CRMP1: variants seen among roughly 807,000 people sequenced by gnomAD.
The protein encoded by CRMP1 is collapsin response mediator protein 1, also known as dihydropyrimidinase-related protein 1.
Under a neutral mutation model 68.3 loss-of-function variants are expected in CRMP1, and 19 were observed. The observed-to-expected ratio is 0.28, with a 90% CI of 0.19 to 0.41. The LOEUF (loss-of-function observed/expected upper bound fraction) is 0.41. Among genes scored for constraint, CRMP1 ranks in the 10% least tolerant of loss-of-function variants. The pLI, the probability that CRMP1 is intolerant of heterozygous loss-of-function variation, is 1.00. For missense variants in CRMP1, 791 were observed against 967.4 expected, an observed-to-expected ratio of 0.82 and a Z score of 2.42; for synonymous variants, 439 against 399.6, an observed-to-expected ratio of 1.10 and a Z score of -1.18.
chr4:5,857,094 T>C (rs1246827032), intron 3 of CRMP1, among the ~76,000 whole-genome samples: 11 of 97,530 alleles, frequency 1.1e-4, no homozygotes, highest in African/African-American at 4.5e-4. Flanking sequence ...CCATTATCAC[T>C]AACATCACCA....
In CRMP1 at chr4:5,877,166, C is replaced by G. The variant is rs555907655; in HGVS notation, c.382-10410G>C. On this transcript the variant is annotated intron_variant, in intron 1 of 13. Transcript: ENST00000324989. This position sits in a 1 kb window ranked among gnomAD's most constrained non-coding sequence, Gnocchi z 4.3. ...ATTTGAGGAGCACACCTGACCCCAA[C>G]AGAAGACTGAAGACAAATTGAGTTG... Among the ~76,000 whole-genome samples the G allele has an allele frequency of 1.3e-5, 2 of 152,332 alleles. No individual in the cohort carries two copies. Among genetic ancestry groups the G allele is most frequent in the South Asian group, 4.1e-4 (2 of 4,826 alleles).
chr4:5,840,968 A>G (rs985531618), intron 8 of CRMP1, among the ~76,000 whole-genome samples: 1 of 129,978 alleles, frequency 7.7e-6, no homozygotes, highest in African/African-American at 3.3e-5. Context: ...AGTTGTGTAC[A>G]TGTAAGATAC....
rs1715211590 is a variant in CRMP1 at position 5,881,429 on chromosome 4, C to A, written c.381+11160G>T. Among the ~76,000 whole-genome samples, 1 of 152,148 alleles carries A rather than the reference C, an allele frequency of 6.6e-6. No homozygotes were observed. Among genetic ancestry groups the A allele is most frequent in the Non-Finnish European group, 1.5e-5 (1 of 68,034 alleles). On this transcript the variant is annotated intron_variant, in intron 1 of 13. Coordinates refer to ENST00000324989, the MANE Select transcript of CRMP1 (RefSeq NM_001014809.3). The surrounding 1 kb of genome is among the most constrained non-coding windows in gnomAD (Gnocchi z 4.6). ...GCAGCATTCTTGAAGGATTAAAGACCTAAAATTACACCAGGTAAGTCTGCA... is the reference window on the plus strand; with the variant it reads ...GCAGCATTCTTGAAGGATTAAAGACATAAAATTACACCAGGTAAGTCTGCA...
At chr4:5,849,281 G>T in intron 6 of CRMP1, 111 bp downstream of exon 6, 1 of 849,874 alleles carries the variant, frequency 1.2e-6, no homozygotes. Flanking sequence ...CCAGTTCCTG[G>T]CTTGACCTTT....
chr4:5,882,904 C>T (rs919446682), intron 1 of CRMP1, among the ~76,000 whole-genome samples: 7 of 152,190 alleles, frequency 4.6e-5, no homozygotes, highest in African/African-American at 1.7e-4. Flanking sequence ...ATCAAATAAC[C>T]CATTCATATC....
rs754642764 is a variant in CRMP1, at chr4:5,851,427, T to C, written c.863A>G (p.Tyr288Cys). The part of the protein sequence containing the change: ...FQVYMAYKDV[Y>C]QMSDSQLYEA... ...ACCTACCTGGCTGTCGGACATTTGG[T>C]AGACATCCTTATAGGCCATGTAGAC... The change falls in exon 5 of 14, where the codon TAC (tyrosine) becomes TGC (cysteine). Residue 288 changes from tyrosine to cysteine, a missense_variant. Physicochemically the swap from Tyr to Cys is radical, Grantham distance 194. This residue lies in a region of CRMP1 where 594 missense variants were observed against 763.6 expected (regional missense o/e 0.78). Coordinates refer to ENST00000324989, the MANE Select transcript of CRMP1 (RefSeq NM_001014809.3). The C allele has an allele frequency of 1.2e-6, 2 of 1,614,208 alleles. No homozygotes were observed. Among genetic ancestry groups the C allele is most frequent in the South Asian group, 2.2e-5 (2 of 91,084 alleles).
chr4:5,824,277 G>C, intron 13 of CRMP1: 1 of 984,960 alleles, frequency 1.0e-6, no homozygotes, highest in Non-Finnish European at 1.2e-6. Context: ...TGCTGATTGA[G>C]CATCACATGA....
rs139692512 is a variant in CRMP1, at chr4:5,850,389, G to T, written c.883-917C>A. 1.3e-5 allele frequency among the ~76,000 whole-genome samples: 2 copies of T among 152,282 alleles called. No homozygotes were observed. The highest frequency in any genetic ancestry group is 6.8e-3 in the Middle Eastern group (2 of 294). The stretch of plus-strand genomic sequence containing the variant: ...CACATGCTATGTTTTCTATGTAACT[G>T]AACCAATTTTCAGCTCTTTGAGTGT... On this transcript the variant is annotated intron_variant, in intron 5 of 13. Transcript: ENST00000324989. The surrounding 1 kb of genome is among the most constrained non-coding windows in gnomAD (Gnocchi z 4.4).
chr4:5,856,351 T>C (rs376514804), intron 3 of CRMP1, 44 bp from the exon 4 acceptor site: 3 of 1,588,188 alleles, frequency 1.9e-6, no homozygotes, highest in South Asian at 2.3e-5. Flanking sequence ...GACTCAAGTG[T>C]TCCAATGGTA....
chr4:5,828,716 A>C, intron 11 of CRMP1, 48 bp from the exon 12 acceptor site: 1 of 1,598,274 alleles, frequency 6.3e-7, no homozygotes, highest in Non-Finnish European at 8.6e-7. Flanking sequence ...CTCTGCCCCA[A>C]ACGAGCTGTT....
At position 5,877,292 on chromosome 4, in the gene CRMP1, A is replaced by G. The variant is rs1416848699; in HGVS notation, c.382-10536T>C. Among the ~76,000 whole-genome samples the G allele has an allele frequency of 1.3e-5, 2 of 152,250 alleles. No individual in the cohort carries two copies. Among genetic ancestry groups the G allele is most frequent in the East Asian group, 1.9e-4 (1 of 5,202 alleles). The stretch of plus-strand genomic sequence containing the variant: ...GAGGGGGTGTTTGTTAGGCAGCATC[A>G]TCGCATCAAAGCAAATTAATACATC... On this transcript the variant is annotated intron_variant, in intron 1 of 13. Coordinates refer to ENST00000324989, the MANE Select transcript of CRMP1 (RefSeq NM_001014809.3). The surrounding 1 kb of genome is among the most constrained non-coding windows in gnomAD (Gnocchi z 4.3).
rs1382782414 is a variant in CRMP1, at chr4:5,871,943, C to A, written c.382-5187G>T. Among the ~76,000 whole-genome samples, 3 of 152,166 alleles carry A rather than the reference C, an allele frequency of 2.0e-5. No homozygotes were observed. In the East Asian group the frequency reaches 5.8e-4, roughly 29 times the overall value. ...TCCGTGTGGAATGTTAGGTCTGATC[C>A]CACCTCGCAGGGAAATGAGGTCCAC... On this transcript the variant is annotated intron_variant, in intron 1 of 13. Transcript: ENST00000324989.
intron 4 of CRMP1, 101 bp from the exon 5 acceptor site, chr4:5,851,570 G>A: frequency 2.5e-6 from 3 of 1,181,250 alleles, no homozygotes; most frequent in Non-Finnish European, 3.8e-6. Flanking sequence ...TAGTCGCCAG[G>A]AGAGATGAGT....
intron 6 of CRMP1, among the ~76,000 whole-genome samples, chr4:5,848,789 CAT>C (rs974595035): frequency 2.0e-5 from 3 of 152,202 alleles, no homozygotes; most frequent in African/African-American, 4.8e-5. Flanking sequence ...GTGGGCATCA[CAT>C]GAGACAGCAG....
Position 5,893,074 on chromosome 4 carries a change from C to G in CRMP1, c.-105G>C, listed in dbSNP as rs911354178. 5.5e-5 allele frequency: 44 copies of G among 796,462 alleles called. No homozygotes were observed. The highest frequency in any genetic ancestry group is 6.3e-4 in the Middle Eastern group (1 of 1,590). The allele number at this position is 796,462 out of a possible 1,614,324, so 49.3% of individuals were successfully genotyped here. A position where few individuals can be genotyped will look rare whatever the true frequency, so the allele number is the denominator to read the frequency against. ...GCCTCGGTGCGGGCCTGCGGCGGCC[C>G]GGGCGCGACTGCGGCCCAGGGAGGG... On this transcript the variant is annotated 5_prime_UTR_variant, in exon 1 of 14. Coordinates refer to ENST00000324989, the MANE Select transcript of CRMP1 (RefSeq NM_001014809.3).
chr4:5,889,553 A>G lies in CRMP1; in HGVS notation c.381+3036T>C. On this transcript the variant is annotated intron_variant, in intron 1 of 13. Coordinates refer to ENST00000324989, the MANE Select transcript of CRMP1 (RefSeq NM_001014809.3). The surrounding 1 kb of genome is among the most constrained non-coding windows in gnomAD (Gnocchi z 4.5). ...AAAAGATGAAAGAAGATGGAGGAAA[A>G]GGGGGAGCCCCAGCAAGCCCCAACC... 1 of 1,533,278 alleles carries G rather than the reference A, an allele frequency of 6.5e-7. No individual in the cohort carries two copies. Among genetic ancestry groups the G allele is most frequent in the Non-Finnish European group, 8.7e-7 (1 of 1,144,382 alleles). 95.0% of individuals were successfully genotyped at this position (1,533,278 alleles called of 1,614,324 possible). A position where few individuals can be genotyped will look rare whatever the true frequency, so the allele number is the denominator to read the frequency against.
rs1714503574 is a variant in CRMP1, at chr4:5,872,202, G to C, written c.382-5446C>G. ...TTCTAAGGCTGCCTTTCTCATGCAG[G>C]AAATATGAGTGCACAGAACTGTATA... is the stretch of plus-strand genomic sequence containing the variant. On this transcript the variant is annotated intron_variant, in intron 1 of 13. Transcript: ENST00000324989. The surrounding 1 kb of genome is among the most constrained non-coding windows in gnomAD (Gnocchi z 4.6). Among the ~76,000 whole-genome samples the C allele has an allele frequency of 6.6e-6, 1 of 152,032 alleles. No individual in the cohort carries two copies. The highest frequency in any genetic ancestry group is 2.1e-4 in the South Asian group (1 of 4,824).
intron 6 of CRMP1, among the ~76,000 whole-genome samples, chr4:5,846,636 G>GCTGGAGTGTAGTGGCGTGATCTCATC (rs1712220088): frequency 1.3e-5 from 2 of 151,798 alleles, no homozygotes; most frequent in African/African-American, 4.8e-5. Context: ...TGTCACCCAG[G>GCTGGAGTGTAGTGGCGTGATCTCATC]CTGGAGTGTA....
chr4:5,857,413 C>A (rs57598689), intron 3 of CRMP1, among the ~76,000 whole-genome samples: 1 of 152,048 alleles, frequency 6.6e-6, no homozygotes, highest in Non-Finnish European at 1.5e-5. Context: ...CATTGTCATA[C>A]TGCCATCACT....
Sources: gnomAD v4.1 joint callset for allele counts (sites outside exome capture counted in the v4.1 genomes callset) on GRCh38, gnomAD v4.1.1 for gene constraint, gnomAD v4.1.1 regional missense constraint, Gnocchi (gnomAD v3.1) non-coding constraint, MANE v1.5 for transcripts, NCBI Gene and HGNC (gene_info 2026-07-23, HGNC 2026-07-21) for gene names.